PRPF18: variants seen among roughly 807,000 people sequenced by gnomAD.
The protein encoded by PRPF18 is pre-mRNA-splicing factor 18.
A neutral mutation model predicts 46.5 loss-of-function variants in PRPF18; 38 were observed. The ratio of observed to expected loss-of-function variants is 0.82; its 90% CI spans 0.63 to 1.07. PRPF18 has a LOEUF of 1.07. Ranked by LOEUF, PRPF18 falls within the 50% of genes least tolerant of loss-of-function variation. The pLI is 0.00. For synonymous variants in PRPF18, 152 were observed against 146.7 expected (o/e 1.04, Z -0.26); for missense variants, 263 against 410.0 (o/e 0.64, Z 3.10).
the PRPF18 span, chr10:13,653,092 A>G: frequency 6.6e-6 from 1 of 151,862 alleles, no homozygotes; most frequent in Non-Finnish European, 1.5e-5. Context: ...TGAGGATTGT[A>G]TGAGCTCATG....
At chr10:13,629,186 G>T (rs2080556261) in intron 9 of PRPF18, among the ~76,000 whole-genome samples, 1 of 152,188 alleles carries the variant, frequency 6.6e-6, no homozygotes, top group South Asian at 2.1e-4. Flanking sequence ...AATTTTGTGA[G>T]ATCGGTGGGA....
intron 1 of PRPF18, among the ~76,000 whole-genome samples, chr10:13,587,558 T>C (rs557784354): frequency 6.6e-6 from 1 of 152,332 alleles, no homozygotes; most frequent in Non-Finnish European, 1.5e-5. Context: ...ACCTCTCAGA[T>C]GGGAAGGGAA....
the PRPF18 span, chr10:13,652,001 A>G: frequency 8.0e-7 from 1 of 1,251,160 alleles, no homozygotes; most frequent in Non-Finnish European, 1.2e-6. Context: ...AGGAGGAGGA[A>G]GAGAAGAGAG....
At position 13,590,452 on chromosome 10, in the gene PRPF18, A is replaced by AATAT. The variant is rs376434379; in HGVS notation, c.66+3317_66+3320dup. Among the ~76,000 whole-genome samples, 49 of 140,512 alleles carry AATAT rather than the reference A, an allele frequency of 3.5e-4. No homozygotes were observed. The South Asian group carries it at 5.1e-3, about 15-fold the overall frequency. The allele number at this position is 140,512 out of a possible 152,430, so 92.2% of individuals were successfully genotyped here. On this transcript the variant is annotated intron_variant, in intron 1 of 9. Transcript: ENST00000378572. ...CTCTACTGAAAATACAAAAAAAAAA[A>AATAT]ATATATATATATATATATATTAGCT... is the stretch of plus-strand genomic sequence containing the variant.
the PRPF18 span, chr10:13,643,834 T>G: frequency 6.5e-6 from 1 of 152,682 alleles, no homozygotes; most frequent in Admixed American, 6.5e-5. Context: ...TTCTGCAACT[T>G]TGTCTACAAC....
chr10:13,606,478 T>A (rs2080185325), intron 4 of PRPF18, among the ~76,000 whole-genome samples: 1 of 152,240 alleles, frequency 6.6e-6, no homozygotes, highest in African/African-American at 2.4e-5. Context: ...GGCACAAGCC[T>A]GTAATCCCAG....
At chr10:13,617,446 T>G (rs761749586) in intron 9 of PRPF18, among the ~76,000 whole-genome samples, 15 of 152,208 alleles carry the variant, frequency 9.9e-5, no homozygotes, top group Admixed American at 2.0e-4. Context: ...CTCCCTCATG[T>G]GAACTGTATA....
At chr10:13,630,962 A>C (rs1395280961), downstream of PRPF18, 2 of 152,252 alleles carry the variant, frequency 1.3e-5, no homozygotes, top group African/African-American at 4.8e-5. Context: ...GGACAGATAC[A>C]ATTAATAGGA....
At chr10:13,654,272 A>C in the PRPF18 span, 1 of 682,610 alleles carries the variant, frequency 1.5e-6, no homozygotes, top group Non-Finnish European at 2.7e-6. Flanking sequence ...ACAGCAGATC[A>C]TGGGGCTTCT....
intron 1 of PRPF18, among the ~76,000 whole-genome samples, chr10:13,588,628 T>C (rs1294027813): frequency 6.6e-6 from 1 of 151,834 alleles, no homozygotes; most frequent in African/African-American, 2.4e-5. Flanking sequence ...TAAATCCCAA[T>C]TTTTTAAATT....
chr10:13,603,671 G>A (rs2133440630), intron 3 of PRPF18, among the ~76,000 whole-genome samples: 1 of 152,266 alleles, frequency 6.6e-6, no homozygotes, highest in East Asian at 1.9e-4. Flanking sequence ...CTGTAGTTGT[G>A]GATAGGACTG....
chr10:13,612,991 T>A (rs755681460), intron 6 of PRPF18, among the ~76,000 whole-genome samples: 1 of 152,226 alleles, frequency 6.6e-6, no homozygotes, highest in Non-Finnish European at 1.5e-5. Flanking sequence ...TGCTTTTTCT[T>A]GTGTGTACAG....
At chr10:13,610,281 C>A in intron 5 of PRPF18, 96 bp downstream of exon 5, 8 of 1,314,822 alleles carry the variant, frequency 6.1e-6, no homozygotes, top group Non-Finnish European at 8.2e-6. Flanking sequence ...GCAGAGCACA[C>A]TGTTGTCCTT....
At chr10:13,644,932 G>A in the PRPF18 span, 3 of 152,370 alleles carry the variant, frequency 2.0e-5, no homozygotes, top group Admixed American at 1.3e-4. Context: ...CACTTAAAGC[G>A]TTCTGGGAAT....
chr10:13,603,751 T>C (rs1274107819), intron 3 of PRPF18, among the ~76,000 whole-genome samples: 1 of 152,212 alleles, frequency 6.6e-6, no homozygotes, highest in East Asian at 1.9e-4. Flanking sequence ...CAAGTTGACA[T>C]GTTTGTAGTA....
At chr10:13,647,847 G>A in the PRPF18 span, 9 of 151,644 alleles carry the variant, frequency 5.9e-5, no homozygotes, top group Non-Finnish European at 1.2e-4. Context: ...GTCATTACTA[G>A]GGATCATGAT....
chr10:13,601,058 G>T (rs1193154200), intron 3 of PRPF18, among the ~76,000 whole-genome samples: 2 of 152,150 alleles, frequency 1.3e-5, no homozygotes, highest in Non-Finnish European at 2.9e-5. Flanking sequence ...TGGGATTACA[G>T]GTGTGAGCCA....
At chr10:13,629,568 A>G (rs914459711) in intron 9 of PRPF18, among the ~76,000 whole-genome samples, 5 of 152,206 alleles carry the variant, frequency 3.3e-5, no homozygotes, top group Admixed American at 3.3e-4. Flanking sequence ...CTTTTTGAAA[A>G]ACCGTTCCAC....
At chr10:13,593,017 G>A (rs1371914292) in intron 1 of PRPF18, among the ~76,000 whole-genome samples, 2 of 152,078 alleles carry the variant, frequency 1.3e-5, no homozygotes, top group African/African-American at 4.8e-5. Context: ...CCAAATGGAA[G>A]GAAAGATATT....
Sources: allele counts gnomAD v4.1 joint callset (sites outside exome capture counted in the v4.1 genomes callset), GRCh38; gene constraint gnomAD v4.1.1; transcripts MANE v1.5; gene names NCBI Gene and HGNC (gene_info 2026-07-23, HGNC 2026-07-21).